RNF130: variants seen among roughly 807,000 people sequenced by gnomAD.
RNF130 encodes the protein E3 ubiquitin-protein ligase RNF130.
Under a neutral mutation model 44.6 loss-of-function variants are expected in RNF130, and 21 were observed. The observed-to-expected ratio is 0.47, with a 90% CI of 0.33 to 0.68. The LOEUF is 0.68. Ranked by LOEUF, RNF130 falls within the 30% of genes least tolerant of loss-of-function variation. The pLI, the probability that RNF130 is intolerant of heterozygous loss-of-function variation, is 0.02. For synonymous variants in RNF130, 214 were observed against 210.4 expected, an observed-to-expected ratio of 1.02 and a Z score of -0.15; for missense variants, 479 against 560.6, an observed-to-expected ratio of 0.85 and a Z score of 1.47.
chr5:179,936,723 C>T (rs1317856714), intron 7 of RNF130, among the ~76,000 whole-genome samples: 1 of 152,152 alleles, frequency 6.6e-6, no homozygotes, highest in East Asian at 1.9e-4. Context: ...TCTAAGACTA[C>T]TATAAAATTA....
chr5:180,057,366 T>C (rs1028029559), intron 1 of RNF130, among the ~76,000 whole-genome samples: 1 of 152,154 alleles, frequency 6.6e-6, no homozygotes, highest in South Asian at 2.1e-4. Flanking sequence ...CTGGCCAACA[T>C]GGTGAAACCC....
intron 3 of RNF130, among the ~76,000 whole-genome samples, chr5:180,007,400 C>CA (rs1347189013): frequency 6.6e-6 from 1 of 151,982 alleles, no homozygotes; most frequent in African/African-American, 2.4e-5. Context: ...GACCCAGTCT[C>CA]AAAAAACAAA....
At chr5:179,944,601 A>G (rs1762011963) in intron 7 of RNF130, among the ~76,000 whole-genome samples, 1 of 151,678 alleles carries the variant, frequency 6.6e-6, no homozygotes, top group African/African-American at 2.4e-5. Flanking sequence ...GCAAGCCACC[A>G]TGCCTGGCTA....
chr5:180,010,867 A>G (rs1364280380), intron 3 of RNF130, among the ~76,000 whole-genome samples: 2 of 152,198 alleles, frequency 1.3e-5, no homozygotes, highest in African/African-American at 4.8e-5. Context: ...CACAGACTAA[A>G]GACAGACACA....
chr5:180,057,676 C>T (rs1165682575), intron 1 of RNF130, among the ~76,000 whole-genome samples: 2 of 152,222 alleles, frequency 1.3e-5, no homozygotes, highest in African/African-American at 2.4e-5. Flanking sequence ...GCGACAGAAG[C>T]TCCTGGTCAT....
chr5:179,947,666 C>A (rs1762062315), intron 7 of RNF130, among the ~76,000 whole-genome samples: 1 of 152,184 alleles, frequency 6.6e-6, no homozygotes, highest in Admixed American at 6.5e-5. Flanking sequence ...TGAGTTAATG[C>A]AGCAAAATGC....
intron 1 of RNF130, among the ~76,000 whole-genome samples, chr5:180,070,931 G>C (rs1427687406): frequency 6.6e-6 from 1 of 151,986 alleles, no homozygotes; most frequent in Non-Finnish European, 1.5e-5. Context: ...AACTACTAGG[G>C]CAAGAACAAG....
intron 1 of RNF130, among the ~76,000 whole-genome samples, chr5:180,066,869 A>G (rs932757401): frequency 6.6e-6 from 1 of 151,864 alleles, no homozygotes; most frequent in Non-Finnish European, 1.5e-5. Context: ...AAATAAAAAT[A>G]AAAAAATTAG....
intron 3 of RNF130, among the ~76,000 whole-genome samples, chr5:179,987,627 T>C (rs903329469): frequency 2.0e-5 from 3 of 152,244 alleles, no homozygotes; most frequent in East Asian, 1.9e-4. Context: ...CTGTGGGTCA[T>C]GTGTATCTTT....
At chr5:180,048,882 G>A (rs1047429217) in intron 1 of RNF130, among the ~76,000 whole-genome samples, 2 of 152,180 alleles carry the variant, frequency 1.3e-5, no homozygotes, top group Admixed American at 6.5e-5. Context: ...CTCCAGGTAT[G>A]TAATTTAAGC....
At chr5:180,036,447 T>C (rs543389612) in intron 2 of RNF130, among the ~76,000 whole-genome samples, 3 of 152,334 alleles carry the variant, frequency 2.0e-5, no homozygotes, top group African/African-American at 7.2e-5. Flanking sequence ...TGCCAGTCCT[T>C]GCAGCCTGCT....
intron 7 of RNF130, among the ~76,000 whole-genome samples, chr5:179,965,580 A>G (rs1762423944): frequency 6.6e-6 from 1 of 152,224 alleles, no homozygotes; most frequent in Non-Finnish European, 1.5e-5. Context: ...ACTCACTAAT[A>G]AACCAACAAC....
intron 3 of RNF130, among the ~76,000 whole-genome samples, chr5:179,988,093 C>T (rs763974837): frequency 6.6e-6 from 1 of 152,114 alleles, no homozygotes; most frequent in Non-Finnish European, 1.5e-5. Flanking sequence ...GCCATCTGGT[C>T]CTGAGTTTTT....
At chr5:179,939,892 G>A (rs571262782) in intron 7 of RNF130, 3 of 304,286 alleles carry the variant, frequency 9.9e-6, no homozygotes, top group Non-Finnish European at 1.3e-5. Context: ...AACCTCAAAC[G>A]GATGTCAAAA....
intron 3 of RNF130, among the ~76,000 whole-genome samples, chr5:180,001,945 G>A (rs1763355513): frequency 6.6e-6 from 1 of 152,224 alleles, no homozygotes; most frequent in Non-Finnish European, 1.5e-5. Flanking sequence ...GGGACATGGT[G>A]TACTATATCA....
intron 7 of RNF130, among the ~76,000 whole-genome samples, chr5:179,946,629 C>G (rs1165552140): frequency 6.6e-6 from 1 of 151,418 alleles, no homozygotes; most frequent in East Asian, 1.9e-4. Flanking sequence ...TCTTGGCTCA[C>G]TGCAAGCTCC....
chr5:180,017,273 C>T (rs1030762587), intron 2 of RNF130, among the ~76,000 whole-genome samples: 1 of 152,108 alleles, frequency 6.6e-6, no homozygotes, highest in East Asian at 1.9e-4. Context: ...ATGGCGTGTC[C>T]CTCCTCAGCT....
rs78998001 is a variant in RNF130, at chr5:179,974,874, G to A, written c.848+3329C>T. Among the ~76,000 whole-genome samples, 1,097 of 152,326 alleles carry A rather than the reference G, an allele frequency of 7.2e-3. 13 individuals carry two copies. Among genetic ancestry groups the A allele is most frequent in the Middle Eastern group, 0.027 (8 of 294 alleles). On this transcript the variant is annotated intron_variant, in intron 5 of 8. Coordinates refer to ENST00000521389, the MANE Select transcript of RNF130 (RefSeq NM_018434.6). ...AGGAGCGGCATGGACCGCAGCAGAC[G>A]GCCTCTCCGGCCTGCGCACCCGGGT...
chr5:180,053,385 C>A (rs1237529263), intron 1 of RNF130, among the ~76,000 whole-genome samples: 4 of 152,140 alleles, frequency 2.6e-5, no homozygotes, highest in African/African-American at 4.8e-5. Flanking sequence ...AAATCCTGGG[C>A]AAACAAAGCT....
Sources: allele counts gnomAD v4.1 joint callset (sites outside exome capture counted in the v4.1 genomes callset), GRCh38; gene constraint gnomAD v4.1.1; transcripts MANE v1.5; gene names NCBI Gene and HGNC (gene_info 2026-07-23, HGNC 2026-07-21).